The following MAGI2 variants were observed in gnomAD, a reference collection of about 807,000 sequenced individuals.
MAGI2 encodes membrane-associated guanylate kinase, WW and PDZ domain-containing protein 2.
Under a neutral mutation model 133.3 loss-of-function variants are expected in MAGI2, and 35 were observed. The observed-to-expected ratio is 0.26, with a 90% confidence interval of 0.20 to 0.35. MAGI2 has a LOEUF of 0.35. Ranked by LOEUF, MAGI2 falls within the 10% of genes least tolerant of loss-of-function variation. MAGI2 has a pLI of 1.00. For missense variants in MAGI2, 1,636 were observed against 1,863.4 expected, an observed-to-expected ratio of 0.88 and a Z score of 2.25; for synonymous variants, 729 against 710.6, an observed-to-expected ratio of 1.03 and a Z score of -0.41.
chr7:78,401,076 AAT>A (rs934522245), intron 6 of MAGI2, among the ~76,000 whole-genome samples: 10 of 147,458 alleles, frequency 6.8e-5, no homozygotes, highest in Non-Finnish European at 1.5e-4. Context: ...TGAAAAAAAA[AAT>A]AAAATTTTCT....
intron 1 of MAGI2, among the ~76,000 whole-genome samples, chr7:79,251,972 C>A (rs905757072): frequency 2.0e-5 from 3 of 151,852 alleles, no homozygotes; most frequent in African/African-American, 4.8e-5. Context: ...GCCTGGGCAA[C>A]TTGGCAAAAC....
intron 2 of MAGI2, among the ~76,000 whole-genome samples, chr7:78,834,330 C>T (rs1791434329): frequency 6.6e-6 from 1 of 152,120 alleles, no homozygotes; most frequent in Non-Finnish European, 1.5e-5. Flanking sequence ...AAAAGAAACC[C>T]CACATTTCTT....
chr7:79,429,761 T>C (rs951878762), intron 1 of MAGI2, among the ~76,000 whole-genome samples: 2 of 152,202 alleles, frequency 1.3e-5, no homozygotes, highest in African/African-American at 4.8e-5. Context: ...TTCAAGAATC[T>C]TCTATTTTTC....
intron 1 of MAGI2, among the ~76,000 whole-genome samples, chr7:79,009,727 T>C (rs1396748868): frequency 6.6e-6 from 1 of 152,142 alleles, no homozygotes; most frequent in Non-Finnish European, 1.5e-5. Flanking sequence ...AGCTATGTTC[T>C]GGCCATTGAC....
At chr7:78,615,727 T>C (rs145360330) in intron 3 of MAGI2, 46 of 152,366 alleles carry the variant, frequency 3.0e-4, no homozygotes, top group South Asian at 1.9e-3. Flanking sequence ...CTACCCATCA[T>C]TGTCAGGATT....
chr7:78,413,765 T>C (rs1397719799), intron 6 of MAGI2, among the ~76,000 whole-genome samples: 3 of 152,028 alleles, frequency 2.0e-5, no homozygotes, highest in Non-Finnish European at 2.9e-5. Context: ...GGGTCAATCC[T>C]GTCACATGCT....
chr7:78,335,897 A>G (rs575457113), intron 9 of MAGI2, among the ~76,000 whole-genome samples: 77 of 152,336 alleles, frequency 5.1e-4, no homozygotes, highest in African/African-American at 1.7e-3. Flanking sequence ...TTTCACTAAA[A>G]TTAGTGTAAA....
chr7:78,513,962 C>T (rs1314509250), intron 4 of MAGI2, among the ~76,000 whole-genome samples: 1 of 151,816 alleles, frequency 6.6e-6, no homozygotes, highest in East Asian at 1.9e-4. Context: ...GTGGCACATG[C>T]CTGTAATCCC....
At chr7:79,368,437 T>C (rs888574872) in intron 1 of MAGI2, among the ~76,000 whole-genome samples, 14 of 152,010 alleles carry the variant, frequency 9.2e-5, no homozygotes, top group Non-Finnish European at 1.8e-4. Flanking sequence ...GCAACATGAG[T>C]GGGTTAGTGT....
chr7:78,723,773 C>A (rs930099306), intron 2 of MAGI2, among the ~76,000 whole-genome samples: 22 of 152,190 alleles, frequency 1.4e-4, no homozygotes, highest in African/African-American at 4.3e-4. Context: ...AAATACATGA[C>A]AGGGAGTTTC....
intron 1 of MAGI2, among the ~76,000 whole-genome samples, chr7:79,226,721 T>C (rs983568732): frequency 4.6e-5 from 7 of 152,094 alleles, no homozygotes; most frequent in African/African-American, 1.7e-4. Context: ...AGATTTACTT[T>C]CACGCCCAAT....
intron 2 of MAGI2, among the ~76,000 whole-genome samples, chr7:78,914,476 TATA>T (rs1798636799): frequency 6.6e-6 from 1 of 152,166 alleles, no homozygotes; most frequent in African/African-American, 2.4e-5. Flanking sequence ...TATCATAAAG[TATA>T]ATGTTTGTGT....
intron 9 of MAGI2, among the ~76,000 whole-genome samples, chr7:78,286,849 T>A (rs1471574354): frequency 2.0e-5 from 3 of 152,078 alleles, no homozygotes; most frequent in Non-Finnish European, 4.4e-5. Context: ...AACAAGAATG[T>A]TTTCTGATAA....
intron 1 of MAGI2, among the ~76,000 whole-genome samples, chr7:79,215,757 C>CAAGCTGTAA (rs1436539253): frequency 6.6e-6 from 1 of 151,950 alleles, no homozygotes; most frequent in Non-Finnish European, 1.5e-5. Flanking sequence ...TGTATAAAAT[C>CAAGCTGTAA]AAGCTGTAAC....
intron 1 of MAGI2, among the ~76,000 whole-genome samples, chr7:79,436,754 T>C (rs1367407347): frequency 6.6e-6 from 1 of 152,202 alleles, no homozygotes; most frequent in Non-Finnish European, 1.5e-5. Context: ...GGTGGGATTC[T>C]AAATTAGTTC....
At chr7:78,903,652 C>T (rs928503453) in intron 2 of MAGI2, among the ~76,000 whole-genome samples, 4 of 152,128 alleles carry the variant, frequency 2.6e-5, no homozygotes, top group Non-Finnish European at 5.9e-5. Flanking sequence ...GAATTTGGTG[C>T]CATATATTTA....
intron 1 of MAGI2, among the ~76,000 whole-genome samples, chr7:79,213,591 T>C (rs1444092564): frequency 6.6e-6 from 1 of 152,110 alleles, no homozygotes; most frequent in Non-Finnish European, 1.5e-5. Context: ...GTACAACTTT[T>C]ATCTAACATC....
Position 79,216,006 on chromosome 7 carries a change from G to A in MAGI2, c.302-208800C>T, listed in dbSNP as rs141788756. On this transcript the variant is annotated intron_variant, in intron 1 of 21. Coordinates refer to ENST00000354212, the MANE Select transcript of MAGI2 (RefSeq NM_012301.4). ...CCAGGAACCCCAAGCCTGGAAACCC[G>A]CAGCGCTAAATGGGAACAGACATTC... is the stretch of plus-strand genomic sequence containing the variant. 6.9e-4 allele frequency among the ~76,000 whole-genome samples: 105 copies of A among 151,904 alleles called. 2 individuals are homozygous for A. Among genetic ancestry groups the A allele is most frequent in the African/African-American group, 1.2e-3 (49 of 41,290 alleles).
chr7:78,521,219 A>C (rs1456176200), intron 4 of MAGI2, among the ~76,000 whole-genome samples: 5 of 151,686 alleles, frequency 3.3e-5, no homozygotes, highest in Admixed American at 6.6e-5. Flanking sequence ...AACTTCTTTA[A>C]TTCCATGTCC....
Sources: allele counts gnomAD v4.1 joint callset (sites outside exome capture counted in the v4.1 genomes callset), GRCh38; gene constraint gnomAD v4.1.1; transcripts MANE v1.5; gene names NCBI Gene and HGNC (gene_info 2026-07-23, HGNC 2026-07-21).